GAS6: variants seen among roughly 807,000 people sequenced by gnomAD.
The protein encoded by GAS6 is growth arrest-specific protein 6.
GAS6 carries 41 observed loss-of-function variants against 75.8 expected under a neutral mutation model. That is an observed-to-expected ratio of 0.54 (90% CI 0.42 to 0.70). The LOEUF (loss-of-function observed/expected upper bound fraction) is 0.70. Ranked by LOEUF, GAS6 falls within the 30% of genes least tolerant of loss-of-function variation. GAS6 has a pLI of 0.00. For missense variants in GAS6, 854 were observed against 940.2 expected, an observed-to-expected ratio of 0.91 and a Z score of 1.20; for synonymous variants, 432 against 412.6, an observed-to-expected ratio of 1.05 and a Z score of -0.57.
intron 4 of GAS6, chr13:113,842,060 G>GTATGCCCGTTTCCTCCA (rs2051789687): frequency 1.2e-5 from 1 of 84,478 alleles, no homozygotes; most frequent in East Asian, 3.8e-4. Context: ...AATTTCCTTT[G>GTATGCCCGTTTCCTCCA]TACGCCCCAG....
At chr13:113,838,009 T>C in intron 6 of GAS6, 60 bp downstream of exon 6, 1 of 1,596,372 alleles carries the variant, frequency 6.3e-7, no homozygotes, top group Non-Finnish European at 8.5e-7. Flanking sequence ...AGAGCAGACA[T>C]GACCGAAAAT....
rs944131764 is a variant in GAS6, at chr13:113,846,574, T to C, written c.296A>G (p.Tyr99Cys). 1.7e-5 allele frequency: 28 copies of C among 1,613,884 alleles called. No homozygotes were observed. Among genetic ancestry groups the C allele is most frequent in the Non-Finnish European group, 2.3e-5 (27 of 1,179,950 alleles). Residue 99 changes from tyrosine (Y) to cysteine (C), a missense_variant, in exon 4 of 15, where the codon TAT (tyrosine) becomes TGT (cysteine). Tyr to Cys is a radical substitution (Grantham distance 194). Transcript: ENST00000327773. The part of the protein sequence containing the change: ...YPRYLDCINK[Y>C]GSPYTKNSGF... Reference sequence around the variant, plus strand: ...TGAGTTTTTGGTGTACGGAGACCCATACTTGTTGATGCAGTCTGCAGGAAG... The same window carrying C: ...TGAGTTTTTGGTGTACGGAGACCCACACTTGTTGATGCAGTCTGCAGGAAG...
At chr13:113,861,652 G>A (rs182388659) in intron 2 of GAS6, among the ~76,000 whole-genome samples, 19 of 152,276 alleles carry the variant, frequency 1.2e-4, no homozygotes, top group African/African-American at 4.3e-4. Context: ...GGAGGGGTGG[G>A]CCTGGTGTGC....
rs187513661 is a variant in GAS6, at chr13:113,821,806, G to A, written c.1882+152C>T. On this transcript the variant is annotated intron_variant, in intron 14 of 14. Transcript: ENST00000327773. Reference sequence around the variant, plus strand: ...CCGAGACACCATAATAGCCACTAACGACCCACCTGGACTTCTCCTTCCTCT... The same window carrying A: ...CCGAGACACCATAATAGCCACTAACAACCCACCTGGACTTCTCCTTCCTCT... 257 of 595,696 alleles carry A rather than the reference G, an allele frequency of 4.3e-4. 1 individual carries two copies. Among genetic ancestry groups the A allele is most frequent in the African/African-American group, 3.5e-3 (187 of 53,378 alleles). 36.9% of individuals were successfully genotyped at this position (595,696 alleles called of 1,614,324 possible).
intron 11 of GAS6, 97 bp downstream of exon 11, chr13:113,828,450 T>C: frequency 3.1e-6 from 4 of 1,288,520 alleles, no homozygotes; most frequent in Non-Finnish European, 4.3e-6. Context: ...ACCTGGTTAA[T>C]GGTAAACACA....
intron 6 of GAS6, chr13:113,836,166 AC>A: frequency 1.9e-6 from 1 of 533,132 alleles, no homozygotes; most frequent in Non-Finnish European, 2.2e-6. Context: ...CCCTTTAGTC[AC>A]CAGAGGAGAG....
chr13:113,828,011 C>T (rs539599042), intron 11 of GAS6, among the ~76,000 whole-genome samples: 4 of 152,220 alleles, frequency 2.6e-5, no homozygotes, highest in Non-Finnish European at 5.9e-5. Flanking sequence ...CGCGGTGGCT[C>T]ACGCCTGTAA....
At chr13:113,851,868 C>T (rs546658689) in intron 2 of GAS6, among the ~76,000 whole-genome samples, 9 of 152,338 alleles carry the variant, frequency 5.9e-5, no homozygotes, top group Admixed American at 2.0e-4. Flanking sequence ...CAAACCCCCA[C>T]GTGATTTTAA....
In GAS6 at chr13:113,831,229, C is replaced by T. The variant is rs1055025644; in HGVS notation, c.1143+1070G>A. ...AGGACCCCTCAGGTTGCCCATGGGG[C>T]TGGGGTCCAGGTGGTCAGGACGTCT... On this transcript the variant is annotated intron_variant, in intron 10 of 14. Coordinates refer to ENST00000327773, the MANE Select transcript of GAS6 (RefSeq NM_000820.4). Among the ~76,000 whole-genome samples the T allele has an allele frequency of 6.6e-5, 10 of 152,344 alleles. No homozygotes were observed. In the East Asian group the frequency reaches 1.9e-3, roughly 29 times the overall value.
intron 2 of GAS6, among the ~76,000 whole-genome samples, chr13:113,858,716 T>C (rs2051937924): frequency 6.6e-6 from 1 of 152,142 alleles, no homozygotes; most frequent in South Asian, 2.1e-4. Context: ...TGTACATCTA[T>C]GTGAATGTGT....
intron 3 of GAS6, chr13:113,847,056 G>A (rs775687238): frequency 6.0e-6 from 3 of 500,456 alleles, no homozygotes; most frequent in African/African-American, 3.9e-5. Context: ...AGGGCGGCGG[G>A]GGGAGGCGAG....
At chr13:113,821,111 CGGGTTCCCTCCGAAAGGGCAG>C in intron 14 of GAS6, 93 bp from the exon 15 acceptor site, 1 of 1,394,072 alleles carries the variant, frequency 7.2e-7, no homozygotes, top group South Asian at 1.2e-5. Context: ...TGGCCAGCCC[CGGGTTCCCTCCGAAAGGGCAG>C]GGTTTCCCTT....
intron 5 of GAS6, chr13:113,839,480 G>A (rs181284563): frequency 7.5e-5 from 32 of 428,638 alleles, no homozygotes; most frequent in African/African-American, 4.6e-4. Flanking sequence ...TTCCCCCCCC[G>A]CCCTTCAATC....
chr13:113,853,536 T>C (rs2051892043), intron 2 of GAS6, among the ~76,000 whole-genome samples: 1 of 152,258 alleles, frequency 6.6e-6, no homozygotes, highest in African/African-American at 2.4e-5. Context: ...TGTATTACTC[T>C]CTTTAGCAAA....
At chr13:113,830,013 T>C (rs2051610448) in intron 10 of GAS6, among the ~76,000 whole-genome samples, 1 of 152,222 alleles carries the variant, frequency 6.6e-6, no homozygotes, top group South Asian at 2.1e-4. Context: ...GGTCCCAACC[T>C]CAGAGAGTCC....
chr13:113,858,114 C>A (rs1298494846), intron 2 of GAS6, among the ~76,000 whole-genome samples: 1 of 152,238 alleles, frequency 6.6e-6, no homozygotes, highest in African/African-American at 2.4e-5. Flanking sequence ...AGCCCCGTGA[C>A]CTTGTGTCAC....
Position 113,833,723 on chromosome 13 carries a change from G to A in GAS6, c.834+828C>T, listed in dbSNP as rs1056980963. ...GACAGGCAGTGGTGTGACAGGCACC[G>A]GTGTGACAGGTCGGTGTGACAGGTA... On this transcript the variant is annotated intron_variant, in intron 8 of 14. Transcript: ENST00000327773. The A allele has an allele frequency of 8.8e-5, 76 of 863,272 alleles. 1 individual carries two copies. The South Asian group carries it at 1.0e-3, about 11-fold the overall frequency. 53.5% of individuals were successfully genotyped at this position (863,272 alleles called of 1,614,324 possible).
At position 113,823,291 on chromosome 13, in the gene GAS6, C is replaced by T; in HGVS notation, c.1653+84G>A. 3 of 1,405,360 alleles carry T rather than the reference C, an allele frequency of 2.1e-6. 1 individual carries two copies. The highest frequency in any genetic ancestry group is 2.8e-5 in the South Asian group (2 of 71,576). 87.1% of individuals were successfully genotyped at this position (1,405,360 alleles called of 1,614,324 possible). ...GGGTCCCTGGGGATCCCACCGCGGG[C>T]CCCCTTCGTCCCCTGCCAGGGAGTG... On this transcript the variant is annotated intron_variant, in intron 13 of 14. Transcript: ENST00000327773.
chr13:113,840,999 G>C lies in GAS6; in HGVS notation c.344-1149C>G, dbSNP rs2051768975. On this transcript the variant is annotated intron_variant, in intron 4 of 14. Transcript: ENST00000327773. ...TCGTCCTAAGGGGTCAGCCCTGGTGGGGGCACGTCGAGTCTTCAGTGCATG... is the reference window on the plus strand; with the variant it reads ...TCGTCCTAAGGGGTCAGCCCTGGTGCGGGCACGTCGAGTCTTCAGTGCATG... The C allele has an allele frequency of 1.3e-5, 2 of 152,398 alleles. 1 individual carries two copies. The highest frequency in any genetic ancestry group is 4.1e-4 in the South Asian group (2 of 4,828). The allele number at this position is 152,398 out of a possible 1,614,324, so 9.4% of individuals were successfully genotyped here. A position where few individuals can be genotyped will look rare whatever the true frequency, so the allele number is the denominator to read the frequency against.
Sources: allele counts gnomAD v4.1 joint callset (sites outside exome capture counted in the v4.1 genomes callset), GRCh38; gene constraint gnomAD v4.1.1; transcripts MANE v1.5; gene names NCBI Gene and HGNC (gene_info 2026-07-23, HGNC 2026-07-21).